The following NCALD variants were observed in gnomAD, a reference collection of about 807,000 sequenced individuals.
The protein encoded by NCALD is neurocalcin delta, also known as neurocalcin-delta.
In NCALD, 10 loss-of-function variants were observed where a neutral mutation model predicts 18.6. The observed-to-expected ratio is 0.54, with a 90% CI of 0.33 to 0.91. NCALD has a LOEUF of 0.91. Ranked by LOEUF, NCALD falls within the 40% of genes least tolerant of loss-of-function variation. NCALD has a pLI of 0.03. For synonymous variants in NCALD, 88 were observed against 87.4 expected (o/e 1.01, Z -0.04); for missense variants, 184 against 247.6 (o/e 0.74, Z 1.72).
At chr8:102,030,348 C>A (rs1036354461) in intron 1 of NCALD, among the ~76,000 whole-genome samples, 4 of 152,142 alleles carry the variant, frequency 2.6e-5, no homozygotes, top group African/African-American at 9.7e-5. Flanking sequence ...CAGGAAAAAA[C>A]AAACAGAAGC....
intron 4 of NCALD, among the ~76,000 whole-genome samples, chr8:101,816,944 C>CTA (rs1813520116): frequency 6.6e-6 from 1 of 152,018 alleles, no homozygotes; most frequent in Non-Finnish European, 1.5e-5. Context: ...TGCTATAAAC[C>CTA]TAAAACTACG....
chr8:101,848,599 T>C (rs520880), intron 4 of NCALD, among the ~76,000 whole-genome samples: 45,039 of 152,078 alleles, frequency 0.3, 7,885 homozygotes, highest in African/African-American at 0.48. Context: ...CACATTGAAA[T>C]GGTCCTAAGA....
At chr8:101,967,353 C>T (rs1441558657) in intron 2 of NCALD, among the ~76,000 whole-genome samples, 1 of 152,156 alleles carries the variant, frequency 6.6e-6, no homozygotes, top group Admixed American at 6.5e-5. Context: ...TTAGGGAACA[C>T]AAGTTCATCT....
chr8:102,014,124 G>A (rs1270127808), intron 2 of NCALD, among the ~76,000 whole-genome samples: 1 of 152,198 alleles, frequency 6.6e-6, no homozygotes, highest in East Asian at 1.9e-4. Flanking sequence ...CTTCATGTGA[G>A]TCTCTGTCCA....
At chr8:102,117,596 C>G (rs576894122) in intron 1 of NCALD, among the ~76,000 whole-genome samples, 1 of 147,358 alleles carries the variant, frequency 6.8e-6, no homozygotes, top group Non-Finnish European at 1.5e-5. Flanking sequence ...CTGTCAACTC[C>G]GTTGGCACTT....
rs1816249189 is a variant in NCALD at position 101,719,471 on chromosome 8, C to T, written c.159G>A (p.Gly53=). Residue 53 remains glycine, a synonymous_variant, in exon 2 of 4, where the codon GGG becomes GGA. Coordinates refer to ENST00000220931, the MANE Select transcript of NCALD (RefSeq NM_032041.3). Reference sequence around the variant, plus strand: ...AAGCATCCCCATAAGGGAAAAAGTTCCCATATATTTTCTTAAACTCTTCCA... The same window carrying T: ...AAGCATCCCCATAAGGGAAAAAGTTTCCATATATTTTCTTAAACTCTTCCA... ...LSMEEFKKIY[G]NFFPYGDASK... 2 of 1,614,206 alleles carry T rather than the reference C, an allele frequency of 1.2e-6. No homozygotes were observed. Among genetic ancestry groups the T allele is most frequent in the Non-Finnish European group, 1.7e-6 (2 of 1,180,028 alleles).
At chr8:101,948,933 A>T (rs1366579606) in intron 2 of NCALD, among the ~76,000 whole-genome samples, 1 of 152,152 alleles carries the variant, frequency 6.6e-6, no homozygotes, top group Non-Finnish European at 1.5e-5. Flanking sequence ...GGTTCAGATG[A>T]CTTACTTTGT....
At chr8:101,944,370 T>A (rs544264755) in intron 2 of NCALD, among the ~76,000 whole-genome samples, 1 of 152,164 alleles carries the variant, frequency 6.6e-6, no homozygotes, top group East Asian at 1.9e-4. Flanking sequence ...GCAAGACCTA[T>A]AAAGAACAGT....
At chr8:101,760,798 T>C (rs1433784788) in intron 1 of NCALD, among the ~76,000 whole-genome samples, 5 of 152,192 alleles carry the variant, frequency 3.3e-5, no homozygotes, top group African/African-American at 1.2e-4. Context: ...ATGAATATAA[T>C]AACAGCACCC....
intron 1 of NCALD, among the ~76,000 whole-genome samples, chr8:101,735,984 A>G (rs1035575588): frequency 6.6e-6 from 1 of 152,182 alleles, no homozygotes; most frequent in Non-Finnish European, 1.5e-5. Context: ...GCTTTTGGAC[A>G]TCACCCGTTC....
intron 2 of NCALD, among the ~76,000 whole-genome samples, chr8:101,954,802 C>T (rs1002903711): frequency 6.6e-6 from 1 of 152,230 alleles, no homozygotes. Context: ...TAAGAATCAT[C>T]ATTATCATCA....
chr8:102,089,142 CCCAGCACTTTGGGAGG>C (rs1824840008), intron 1 of NCALD, among the ~76,000 whole-genome samples: 2 of 152,158 alleles, frequency 1.3e-5, no homozygotes, highest in African/African-American at 4.8e-5. Flanking sequence ...CGCTTGTAAT[CCCAGCACTTTGGGAGG>C]CCAAGGTGGG....
At chr8:101,827,803 A>G (rs1466890660) in intron 4 of NCALD, among the ~76,000 whole-genome samples, 2 of 152,216 alleles carry the variant, frequency 1.3e-5, no homozygotes, top group Non-Finnish European at 2.9e-5. Context: ...ATAACCCACA[A>G]TCAACCACTG....
intron 3 of NCALD, among the ~76,000 whole-genome samples, chr8:101,915,170 A>G (rs1488696804): frequency 2.6e-5 from 4 of 152,214 alleles, no homozygotes; most frequent in Non-Finnish European, 4.4e-5. Context: ...GATGTGTTCC[A>G]TAGTCACCCA....
intron 1 of NCALD, among the ~76,000 whole-genome samples, chr8:102,080,496 C>T (rs1207854859): frequency 6.6e-6 from 1 of 152,180 alleles, no homozygotes; most frequent in African/African-American, 2.4e-5. Context: ...CAGAGCTGGT[C>T]ATAGAACTTC....
chr8:101,811,711 A>G (rs981920279), intron 4 of NCALD, among the ~76,000 whole-genome samples: 13 of 152,124 alleles, frequency 8.5e-5, no homozygotes, highest in African/African-American at 3.1e-4. Context: ...CAGGGGAGGG[A>G]GATGTTCCTT....
chr8:101,756,772 G>T (rs920556033), intron 1 of NCALD, among the ~76,000 whole-genome samples: 2 of 152,184 alleles, frequency 1.3e-5, no homozygotes, highest in East Asian at 3.8e-4. Context: ...GATTTTTCTG[G>T]TAAGAATATG....
chr8:102,067,897 T>G (rs919894859), intron 1 of NCALD, among the ~76,000 whole-genome samples: 4 of 152,178 alleles, frequency 2.6e-5, no homozygotes, highest in Admixed American at 1.3e-4. Context: ...CTAATACAAT[T>G]ATTTTCCAAC....
intron 1 of NCALD, among the ~76,000 whole-genome samples, chr8:101,741,968 A>AAG (rs1178381877): frequency 6.7e-6 from 1 of 149,168 alleles, no homozygotes; most frequent in Non-Finnish European, 1.5e-5. Context: ...AGAAAAAAAA[A>AAG]AAGGGCCGGG....
Sources: allele counts gnomAD v4.1 joint callset (sites outside exome capture counted in the v4.1 genomes callset), GRCh38; gene constraint gnomAD v4.1.1; transcripts MANE v1.5; gene names NCBI Gene and HGNC (gene_info 2026-07-23, HGNC 2026-07-21).